The following WDTC1 variants were observed in gnomAD, a reference collection of about 807,000 sequenced individuals.
The protein encoded by WDTC1 is WD and tetratricopeptide repeats 1, also known as WD and tetratricopeptide repeats protein 1.
WDTC1 carries 12 observed loss-of-function variants against 76.0 expected under a neutral mutation model. The ratio of observed to expected loss-of-function variants is 0.16; its 90% CI spans 0.10 to 0.26. The LOEUF is 0.26. Ranked by LOEUF, WDTC1 falls within the 10% of genes least tolerant of loss-of-function variation. The probability of loss-of-function intolerance (pLI) is 1.00; values close to 1 mark genes in which losing one functional copy is unlikely to be tolerated. For missense variants in WDTC1, 511 were observed against 908.8 expected (o/e 0.56, Z 5.63); for synonymous variants, 326 against 350.8 (o/e 0.93, Z 0.79).
intron 3 of WDTC1, among the ~76,000 whole-genome samples, chr1:27,273,656 G>GT (rs1245081513): frequency 2.0e-5 from 3 of 152,114 alleles, no homozygotes; most frequent in African/African-American, 7.2e-5. Flanking sequence ...CAACAGTATT[G>GT]TATCAGTGTT....
intron 5 of WDTC1, among the ~76,000 whole-genome samples, chr1:27,284,010 G>A (rs2013263023): frequency 1.3e-5 from 2 of 152,220 alleles, no homozygotes; most frequent in Admixed American, 1.3e-4. Flanking sequence ...TGGAGGAGGG[G>A]AGTTGAGCGG....
At chr1:27,284,616 C>T (rs373883701) in intron 5 of WDTC1, among the ~76,000 whole-genome samples, 6 of 152,086 alleles carry the variant, frequency 3.9e-5, no homozygotes, top group African/African-American at 1.4e-4. Context: ...CACAGTCAGG[C>T]CTGGGGAAGG....
At chr1:27,271,859 A>T (rs541521274) in intron 3 of WDTC1, among the ~76,000 whole-genome samples, 1 of 147,014 alleles carries the variant, frequency 6.8e-6, no homozygotes, top group African/African-American at 2.5e-5. Flanking sequence ...CTGGTCTCGA[A>T]CTCCCGGCCT....
At chr1:27,294,898 G>T (rs2013642450) in intron 9 of WDTC1, among the ~76,000 whole-genome samples, 1 of 152,224 alleles carries the variant, frequency 6.6e-6, no homozygotes, top group Admixed American at 6.5e-5. Flanking sequence ...GGAATGGACA[G>T]ACTTCTGTTC....
rs545185510 is a variant in WDTC1, at chr1:27,292,449, A to G, written c.662+52A>G. ...CTGTGAGTAAGTCCCCAGAGAACCT[A>G]CTGCCCCTTTCCCTCACTGCCATTG... On this transcript the variant is annotated intron_variant, in intron 7 of 15. Transcript: ENST00000319394. 8.3e-6 allele frequency: 12 copies of G among 1,451,908 alleles called. No homozygotes were observed. In the East Asian group the frequency reaches 3.1e-4, roughly 37 times the overall value. 89.9% of individuals were successfully genotyped at this position (1,451,908 alleles called of 1,614,324 possible). A position where few individuals can be genotyped will look rare whatever the true frequency, so the allele number is the denominator to read the frequency against.
At position 27,306,380 on chromosome 1, in the gene WDTC1, C is replaced by G. The variant is rs777404059; in HGVS notation, c.2031C>G (p.Ser677Arg). 4 of 1,611,164 alleles carry G rather than the reference C, an allele frequency of 2.5e-6. No homozygotes were observed. In the African/African-American group the frequency reaches 5.3e-5, roughly 22 times the overall value. Residue 677 changes from serine (S) to arginine (R), a missense_variant, in exon 16 of 16, where the codon AGC becomes AGG. Ser to Arg is a moderately radical substitution (Grantham distance 110). Transcript: ENST00000319394. The surrounding 1 kb of genome is among the most constrained non-coding windows in gnomAD (Gnocchi z 5.0). ...SSEGQVQCRP[S>R] is the part of the protein sequence containing the mutation. ...AGGGCCAGGTGCAGTGCCGGCCCAG[C>G]TAGACCCTCCAGCCCTGGTCCCCAG...
intron 3 of WDTC1, among the ~76,000 whole-genome samples, chr1:27,281,710 C>T (rs2013197939): frequency 6.6e-6 from 1 of 152,222 alleles, no homozygotes; most frequent in South Asian, 2.1e-4. Flanking sequence ...CAACCTCAGC[C>T]TCCCGAGTAG....
chr1:27,304,919 C>T, intron 14 of WDTC1, 82 bp from the exon 15 acceptor site: 1 of 1,422,784 alleles, frequency 7.0e-7, no homozygotes, highest in East Asian at 2.4e-5. Flanking sequence ...CTTGCTCCCC[C>T]TTTACCTAGG....
intron 1 of WDTC1, among the ~76,000 whole-genome samples, chr1:27,248,085 T>C (rs1212333419): frequency 4.6e-5 from 7 of 152,242 alleles, no homozygotes; most frequent in African/African-American, 1.7e-4. Flanking sequence ...TCTTGCTTAT[T>C]GTGAATAGTG....
intron 5 of WDTC1, 39 bp from the exon 6 acceptor site, chr1:27,287,633 TAC>T: frequency 6.3e-7 from 1 of 1,586,424 alleles, no homozygotes; most frequent in Non-Finnish European, 8.6e-7. Flanking sequence ...TGGCCATTTC[TAC>T]TCTTACCACC....
In WDTC1 at chr1:27,240,972, C is replaced by CAAAA. The variant is rs10683474; in HGVS notation, c.-100+6030_-100+6033dup. On this transcript the variant is annotated intron_variant, in intron 1 of 15. Coordinates refer to ENST00000319394, the MANE Select transcript of WDTC1 (RefSeq NM_001276252.2). ...CCTGGGTGACAGTGAGACTCCATCT[C>CAAAA]AAAAAAAAAAAACAAAAAAACTTTA... is the stretch of plus-strand genomic sequence containing the variant. Among the ~76,000 whole-genome samples, 820 of 137,054 alleles carry CAAAA rather than the reference C, an allele frequency of 6.0e-3. 15 individuals carry two copies. The highest frequency in any genetic ancestry group is 8.7e-3 in the Non-Finnish European group (560 of 64,674). The allele number at this position is 137,054 out of a possible 152,430, so 89.9% of individuals were successfully genotyped here.
At chr1:27,273,708 G>T (rs2012940871) in intron 3 of WDTC1, among the ~76,000 whole-genome samples, 1 of 152,048 alleles carries the variant, frequency 6.6e-6, no homozygotes, top group Non-Finnish European at 1.5e-5. Flanking sequence ...TTAAATAAAA[G>T]AATGACCAAT....
chr1:27,266,552 A>G (rs987112927), intron 3 of WDTC1, among the ~76,000 whole-genome samples: 1 of 152,236 alleles, frequency 6.6e-6, no homozygotes, highest in African/African-American at 2.4e-5. Flanking sequence ...GTATAAGTCC[A>G]TGGCACACAA....
intron 1 of WDTC1, among the ~76,000 whole-genome samples, chr1:27,252,660 C>T (rs148975918): frequency 4.0e-4 from 61 of 151,540 alleles, no homozygotes; most frequent in South Asian, 2.3e-3. Context: ...TAGCCAGGCT[C>T]GGTGGCACAT....
Position 27,306,684 on chromosome 1 carries a change from A to C in WDTC1, c.*301A>C, listed in dbSNP as rs1570993300. On this transcript the variant is annotated 3_prime_UTR_variant, in exon 16 of 16. Coordinates refer to ENST00000319394, the MANE Select transcript of WDTC1 (RefSeq NM_001276252.2). This position sits in a 1 kb window ranked among gnomAD's most constrained non-coding sequence, Gnocchi z 5.0. ...CTGGAGGGCTCTGGCCTGCCTCAAAACCCCTTCTGCCTCAGGTGGGGAGGA... is the reference window on the plus strand; with the variant it reads ...CTGGAGGGCTCTGGCCTGCCTCAAACCCCCTTCTGCCTCAGGTGGGGAGGA... 1.2e-5 allele frequency: 5 copies of C among 410,296 alleles called. No individual in the cohort carries two copies. The highest frequency in any genetic ancestry group is 4.6e-5 in the East Asian group (1 of 21,628). 25.4% of individuals were successfully genotyped at this position (410,296 alleles called of 1,614,324 possible). A position where few individuals can be genotyped will look rare whatever the true frequency, so the allele number is the denominator to read the frequency against.
chr1:27,259,282 C>A (rs1038731195), intron 1 of WDTC1, among the ~76,000 whole-genome samples: 3 of 151,552 alleles, frequency 2.0e-5, no homozygotes, highest in African/African-American at 7.3e-5. Context: ...ACCTCAGCCT[C>A]CTGAGTAGCT....
intron 1 of WDTC1, among the ~76,000 whole-genome samples, chr1:27,236,662 G>A (rs965021373): frequency 2.0e-5 from 3 of 152,032 alleles, no homozygotes; most frequent in Admixed American, 2.0e-4. Flanking sequence ...TTGACTCATT[G>A]GGCATCTTAT....
At chr1:27,286,313 G>T (rs200278373) in intron 5 of WDTC1, among the ~76,000 whole-genome samples, 2,528 of 132,200 alleles carry the variant, frequency 0.019, 28 homozygotes, top group East Asian at 0.025. Flanking sequence ...GGTTTTTTTT[G>T]TTTTTTTTTT....
At chr1:27,259,050 A>G (rs2012383567) in intron 1 of WDTC1, among the ~76,000 whole-genome samples, 1 of 152,256 alleles carries the variant, frequency 6.6e-6, no homozygotes, top group Admixed American at 6.5e-5. Flanking sequence ...TTTAAATCTG[A>G]TTACAAATTA....
Sources: gnomAD v4.1 joint callset for allele counts (sites outside exome capture counted in the v4.1 genomes callset) on GRCh38, gnomAD v4.1.1 for gene constraint, Gnocchi (gnomAD v3.1) non-coding constraint, MANE v1.5 for transcripts, NCBI Gene and HGNC (gene_info 2026-07-23, HGNC 2026-07-21) for gene names.